Variants in UGT1A5 observed in about 807,000 individuals in gnomAD.
UGT1A5 encodes the protein UDP glucuronosyltransferase family 1 member A5, also known as UDP-glucuronosyltransferase 1A5.
Under a neutral mutation model 40.3 loss-of-function variants are expected in UGT1A5, and 29 were observed. The observed-to-expected ratio is 0.72, with a 90% CI of 0.54 to 0.98. The LOEUF is 0.98. UGT1A5 is among the 50% of genes least tolerant of loss of function. The pLI is 0.00. For missense variants in UGT1A5, 678 were observed against 677.9 expected, an observed-to-expected ratio of 1.00 and a Z score of 0.00; for synonymous variants, 257 against 262.5, an observed-to-expected ratio of 0.98 and a Z score of 0.20.
chr2:233,744,616 T>C (rs1359252555), intron 1 of UGT1A5, among the ~76,000 whole-genome samples: 1 of 151,926 alleles, frequency 6.6e-6, no homozygotes, highest in Non-Finnish European at 1.5e-5. Context: ...CTTGGCTCTA[T>C]AGAGAGGTGG....
chr2:233,733,332 C>T (rs1191516826), intron 1 of UGT1A5, among the ~76,000 whole-genome samples: 5 of 152,198 alleles, frequency 3.3e-5, no homozygotes, highest in East Asian at 1.9e-4. Context: ...CTGGCCAGAA[C>T]TTCCAACAGT....
chr2:233,716,876 G>C (rs1278140723), intron 1 of UGT1A5, among the ~76,000 whole-genome samples: 4 of 152,084 alleles, frequency 2.6e-5, no homozygotes, highest in Non-Finnish European at 5.9e-5. Flanking sequence ...AAGTCTATCT[G>C]TGCAGCCCAG....
chr2:233,757,438 T>C (rs528123504), intron 1 of UGT1A5, among the ~76,000 whole-genome samples: 24 of 151,360 alleles, frequency 1.6e-4, no homozygotes, highest in African/African-American at 5.8e-4. Flanking sequence ...AAGTCACTTC[T>C]ATACAGAAAC....
At chr2:233,772,206 G>A (rs1305891412) in intron 4 of UGT1A5, 56 bp from the exon 5 acceptor site, 2 of 1,609,236 alleles carry the variant, frequency 1.2e-6, no homozygotes, top group Non-Finnish European at 1.7e-6. Context: ...AGCATAAAGA[G>A]AGGATTGTTC....
intron 1 of UGT1A5, among the ~76,000 whole-genome samples, chr2:233,714,816 G>A (rs1447041593): frequency 6.6e-6 from 1 of 152,208 alleles, no homozygotes; most frequent in African/African-American, 2.4e-5. Context: ...TATGTAGTTA[G>A]TGACAACAAT....
chr2:233,749,939 T>C (rs1438530093), intron 1 of UGT1A5, among the ~76,000 whole-genome samples: 1 of 151,928 alleles, frequency 6.6e-6, no homozygotes, highest in African/African-American at 2.4e-5. Context: ...CTTTCCTTTA[T>C]GAATTACCGA....
At chr2:233,744,264 T>C (rs1692755909) in intron 1 of UGT1A5, among the ~76,000 whole-genome samples, 2 of 151,788 alleles carry the variant, frequency 1.3e-5, no homozygotes, top group Admixed American at 1.3e-4. Flanking sequence ...CTGTTTTTCT[T>C]AAAGTAGGCT....
chr2:233,731,662 A>G (rs2078189786), intron 1 of UGT1A5, among the ~76,000 whole-genome samples: 1 of 151,984 alleles, frequency 6.6e-6, no homozygotes, highest in African/African-American at 2.4e-5. Flanking sequence ...TATGTGCCAC[A>G]TTTTCTTAAT....
intron 1 of UGT1A5, among the ~76,000 whole-genome samples, chr2:233,748,613 G>A (rs1489441058): frequency 2.0e-5 from 3 of 151,820 alleles, no homozygotes; most frequent in African/African-American, 7.3e-5. Flanking sequence ...AGCAACGAAC[G>A]TGGGATATAT....
intron 1 of UGT1A5, chr2:233,717,746 TC>T: frequency 2.2e-6 from 1 of 456,424 alleles, no homozygotes; most frequent in South Asian, 1.5e-5. Flanking sequence ...GCTCAGGGTC[TC>T]CCCCTAGAAA....
chr2:233,756,289 G>GTATT (rs914898578), intron 1 of UGT1A5: 1 of 152,128 alleles, frequency 6.6e-6, no homozygotes, highest in African/African-American at 2.4e-5. Context: ...AAATGACACA[G>GTATT]TATTTGTATA....
intron 4 of UGT1A5, chr2:233,771,016 A>C (rs1281561140): frequency 2.0e-5 from 3 of 152,186 alleles, no homozygotes; most frequent in African/African-American, 7.2e-5. Flanking sequence ...AGCAGGAGCG[A>C]GAGAGAGTTG....
intron 1 of UGT1A5, among the ~76,000 whole-genome samples, chr2:233,759,856 C>T (rs1446471980): frequency 2.0e-5 from 3 of 152,092 alleles, no homozygotes; most frequent in Admixed American, 6.6e-5. Context: ...GTTTCCATGG[C>T]GAAAGCGGGG....
At chr2:233,767,305 G>T (rs907806050) in intron 2 of UGT1A5, 140 bp downstream of exon 2, 20 of 1,519,058 alleles carry the variant, frequency 1.3e-5, no homozygotes, top group Non-Finnish European at 1.7e-5. Context: ...TAATCCAAAG[G>T]TTTTTTTTGT....
chr2:233,742,382 T>C (rs1691962910), intron 1 of UGT1A5, among the ~76,000 whole-genome samples: 1 of 152,014 alleles, frequency 6.6e-6, no homozygotes, highest in Admixed American at 6.5e-5. Flanking sequence ...AAGGCACAGA[T>C]GGCTCATGTT....
intron 1 of UGT1A5, chr2:233,719,222 T>A: frequency 1.2e-6 from 2 of 1,614,238 alleles, no homozygotes; most frequent in Admixed American, 1.7e-5. Context: ...TACTGCATAA[T>A]GAGGCCCTGA....
At chr2:233,717,943 A>C (rs1575519022) in intron 1 of UGT1A5, 1 of 453,580 alleles carries the variant, frequency 2.2e-6, no homozygotes, top group East Asian at 7.0e-5. Flanking sequence ...CTCTATGCAG[A>C]CTTGCAGAAG....
chr2:233,718,717 C>A (rs1286763118), intron 1 of UGT1A5: 9 of 1,608,524 alleles, frequency 5.6e-6, no homozygotes, highest in Non-Finnish European at 7.6e-6. Flanking sequence ...CAATTACATG[C>A]TGATTTGCTA....
intron 1 of UGT1A5, among the ~76,000 whole-genome samples, chr2:233,765,914 G>T (rs914131735): frequency 6.6e-6 from 1 of 152,098 alleles, no homozygotes; most frequent in Admixed American, 6.5e-5. Flanking sequence ...CTCTAGGGGA[G>T]CATACAGACG....
Sources: allele counts gnomAD v4.1 joint callset (sites outside exome capture counted in the v4.1 genomes callset), GRCh38; gene constraint gnomAD v4.1.1; transcripts MANE v1.5; gene names NCBI Gene and HGNC (gene_info 2026-07-23, HGNC 2026-07-21).